Variants in KCNK2 observed in about 807,000 individuals in gnomAD.
KCNK2 encodes the protein potassium channel subfamily K member 2.
Under a neutral mutation model 40.5 loss-of-function variants are expected in KCNK2, and 21 were observed. The observed-to-expected ratio is 0.52, with a 90% CI of 0.37 to 0.75. KCNK2 has a LOEUF of 0.75. Among genes scored for constraint, KCNK2 ranks in the 30% least tolerant of loss-of-function variants. KCNK2 has a pLI of 0.00. For missense variants in KCNK2, 399 were observed against 531.6 expected, an observed-to-expected ratio of 0.75 and a Z score of 2.45; for synonymous variants, 191 against 202.2, an observed-to-expected ratio of 0.94 and a Z score of 0.47.
intron 1 of KCNK2, among the ~76,000 whole-genome samples, chr1:215,030,424 A>G (rs1571858056): frequency 6.6e-6 from 1 of 152,112 alleles, no homozygotes; most frequent in Non-Finnish European, 1.5e-5. Context: ...TTGTTTATAC[A>G]TACTTTCTAT....
At position 215,234,962 on chromosome 1, in the gene KCNK2, G is replaced by A. The variant is rs778959218; in HGVS notation, c.1098G>A (p.Ser366=). ...QRATSIKRKL[S]AELAGNHNQE... ...CCACCTCCATCAAGCGGAAGCTCTCGGCAGAACTGGCTGGAAACCACAATC... is the reference window on the plus strand; with the variant it reads ...CCACCTCCATCAAGCGGAAGCTCTCAGCAGAACTGGCTGGAAACCACAATC... The change falls in exon 7 of 7, where the codon TCG becomes TCA. Residue 366 remains serine (S), a synonymous_variant. Transcript: ENST00000444842. The A allele has an allele frequency of 1.1e-5, 17 of 1,613,844 alleles. No individual in the cohort carries two copies. Among genetic ancestry groups the A allele is most frequent in the Middle Eastern group, 1.6e-4 (1 of 6,084 alleles).
chr1:215,235,037 C>T lies in KCNK2; in HGVS notation c.1173C>T (p.Ser391=), dbSNP rs552337588. The T allele has an allele frequency of 8.7e-6, 14 of 1,613,912 alleles. No individual in the cohort carries two copies. The highest frequency in any genetic ancestry group is 4.0e-5 in the African/African-American group (3 of 75,020). The change falls in exon 7 of 7, where the codon AGC becomes AGT. Residue 391 remains serine, a synonymous_variant. Coordinates refer to ENST00000444842, the MANE Select transcript of KCNK2 (RefSeq NM_001017425.3). The stretch of plus-strand genomic sequence containing the variant: ...CCCTGTCAGTGAACCACCTGACCAG[C>T]GAGAGGGATGTCTTGCCTCCCTTAC... ...RRTLSVNHLT[S]ERDVLPPLLK...
At chr1:215,174,529 A>G (rs376249348) in intron 5 of KCNK2, among the ~76,000 whole-genome samples, 1 of 152,082 alleles carries the variant, frequency 6.6e-6, no homozygotes, top group African/African-American at 2.4e-5. Flanking sequence ...TAGCTTGATG[A>G]GGATGGCATT....
At chr1:215,197,325 T>G (rs1283897443) in intron 6 of KCNK2, among the ~76,000 whole-genome samples, 1 of 152,156 alleles carries the variant, frequency 6.6e-6, no homozygotes, top group African/African-American at 2.4e-5. Flanking sequence ...TTCCTCACAA[T>G]TCTGGAAGCT....
In KCNK2 at chr1:215,083,439, C is replaced by A; in HGVS notation, c.46+8C>A. The A allele has an allele frequency of 6.2e-7, 1 of 1,607,270 alleles. No individual in the cohort carries two copies. Among genetic ancestry groups the A allele is most frequent in the Non-Finnish European group, 8.5e-7 (1 of 1,174,276 alleles). On this transcript the variant is annotated splice_region_variant and intron_variant, in intron 1 of 6. Coordinates refer to ENST00000444842, the MANE Select transcript of KCNK2 (RefSeq NM_001017425.3). ...CCGGCTATAGAGCAGGAGGTGAGACCCCCCCTCCGGTACCCCCACCCCTCT... is the reference window on the plus strand; with the variant it reads ...CCGGCTATAGAGCAGGAGGTGAGACACCCCCTCCGGTACCCCCACCCCTCT...
chr1:215,100,864 A>T lies in KCNK2; in HGVS notation c.357+14186A>T, dbSNP rs186776555. On this transcript the variant is annotated intron_variant, in intron 2 of 6. Coordinates refer to ENST00000444842, the MANE Select transcript of KCNK2 (RefSeq NM_001017425.3). The stretch of plus-strand genomic sequence containing the variant: ...TCAAAATAATTTATCATTCGTGTAA[A>T]AGAAAAGGATAATTGATTTGCAGTA... Among the ~76,000 whole-genome samples the T allele has an allele frequency of 2.0e-4, 30 of 152,070 alleles. 1 individual carries two copies. Among genetic ancestry groups the T allele is most frequent in the Admixed American group, 2.0e-3 (30 of 15,234 alleles).
chr1:215,073,469 G>A (rs1047201605), intron 1 of KCNK2, among the ~76,000 whole-genome samples: 1 of 152,098 alleles, frequency 6.6e-6, no homozygotes, highest in Non-Finnish European at 1.5e-5. Flanking sequence ...GCTTTTCTGA[G>A]GAAGATGTGT....
intron 2 of KCNK2, among the ~76,000 whole-genome samples, chr1:215,108,189 C>T (rs776418681): frequency 2.0e-4 from 30 of 152,106 alleles, no homozygotes; most frequent in Non-Finnish European, 3.7e-4. Context: ...CCCTGGTGGC[C>T]GCTCACCTCC....
intron 6 of KCNK2, among the ~76,000 whole-genome samples, chr1:215,212,251 T>C (rs1374675723): frequency 6.6e-6 from 1 of 152,184 alleles, no homozygotes; most frequent in Non-Finnish European, 1.5e-5. Flanking sequence ...AAATAATTGG[T>C]CCTTAGGACT....
intron 1 of KCNK2, among the ~76,000 whole-genome samples, chr1:215,063,630 A>G (rs971864729): frequency 6.6e-6 from 1 of 152,196 alleles, no homozygotes; most frequent in African/African-American, 2.4e-5. Context: ...GAAAGAAGCA[A>G]TGATCGTAAA....
At chr1:215,108,985 A>G (rs1204057112) in intron 2 of KCNK2, among the ~76,000 whole-genome samples, 1 of 125,806 alleles carries the variant, frequency 7.9e-6, no homozygotes, top group East Asian at 1.9e-4. Context: ...TTGAAATGTA[A>G]AAGTGAATGA....
chr1:215,056,096 G>A (rs776762754), intron 1 of KCNK2, among the ~76,000 whole-genome samples: 7 of 152,086 alleles, frequency 4.6e-5, no homozygotes, highest in African/African-American at 7.2e-5. Context: ...AGCCACTGAA[G>A]TCAGGAATTC....
chr1:215,051,230 C>T (rs181167384), intron 1 of KCNK2, among the ~76,000 whole-genome samples: 99 of 152,204 alleles, frequency 6.5e-4, no homozygotes, highest in African/African-American at 2.3e-3. Context: ...TGTGCACCAC[C>T]ATGCATGGAT....
At chr1:215,207,112 C>T (rs553638332) in intron 6 of KCNK2, among the ~76,000 whole-genome samples, 43 of 152,248 alleles carry the variant, frequency 2.8e-4, no homozygotes, top group Non-Finnish European at 5.4e-4. Flanking sequence ...AACATACTCT[C>T]CCCCAAATGG....
chr1:215,109,067 A>G (rs888981894), intron 2 of KCNK2, among the ~76,000 whole-genome samples: 4 of 151,852 alleles, frequency 2.6e-5, no homozygotes, highest in African/African-American at 7.3e-5. Context: ...TCTCTTAATT[A>G]ATTTTTTGAT....
chr1:215,170,482 A>G (rs1663660917), intron 4 of KCNK2, among the ~76,000 whole-genome samples: 1 of 152,142 alleles, frequency 6.6e-6, no homozygotes, highest in Non-Finnish European at 1.5e-5. Flanking sequence ...TTGCAAATAA[A>G]TTTTGTTCAT....
intron 6 of KCNK2, among the ~76,000 whole-genome samples, chr1:215,206,953 T>C (rs1474969289): frequency 1.3e-5 from 2 of 152,194 alleles, no homozygotes; most frequent in African/African-American, 4.8e-5. Context: ...GCTATCTTCT[T>C]AAAGAATTTC....
chr1:215,205,068 A>G (rs1215202289), intron 6 of KCNK2, among the ~76,000 whole-genome samples: 1 of 152,142 alleles, frequency 6.6e-6, no homozygotes, highest in Admixed American at 6.5e-5. Flanking sequence ...TAGAATGTCT[A>G]TTCTTTCTCC....
intron 6 of KCNK2, among the ~76,000 whole-genome samples, chr1:215,219,910 C>T (rs1212863792): frequency 1.3e-5 from 2 of 152,154 alleles, no homozygotes; most frequent in Non-Finnish European, 2.9e-5. Flanking sequence ...TGAGCAATTC[C>T]TTATACTGCA....
Sources: gnomAD v4.1 joint callset for allele counts (sites outside exome capture counted in the v4.1 genomes callset) on GRCh38, gnomAD v4.1.1 for gene constraint, MANE v1.5 for transcripts, NCBI Gene and HGNC (gene_info 2026-07-23, HGNC 2026-07-21) for gene names.